Variants in ERBB4 observed in about 807,000 individuals in gnomAD.
The protein encoded by ERBB4 is erb-b2 receptor tyrosine kinase 4.
In ERBB4, 42 loss-of-function variants were observed where a neutral mutation model predicts 158.0. The ratio of observed to expected loss-of-function variants is 0.27; its 90% confidence interval spans 0.21 to 0.34. ERBB4 has a LOEUF of 0.34. Among genes scored for constraint, ERBB4 ranks in the 10% least tolerant of loss-of-function variants. The probability of loss-of-function intolerance (pLI) is 1.00; values close to 1 mark genes in which losing one functional copy is unlikely to be tolerated. For missense variants in ERBB4, 1,333 were observed against 1,624.1 expected, an observed-to-expected ratio of 0.82 and a Z score of 3.08; for synonymous variants, 583 against 558.7, an observed-to-expected ratio of 1.04 and a Z score of -0.61.
chr2:211,978,461 A>C (rs1193165518), intron 2 of ERBB4, among the ~76,000 whole-genome samples: 3 of 149,208 alleles, frequency 2.0e-5, no homozygotes, highest in Non-Finnish European at 4.5e-5. Context: ...ACAGGGTTTC[A>C]CTCTTAAGCC....
At chr2:211,933,417 G>T (rs2080230028) in intron 3 of ERBB4, among the ~76,000 whole-genome samples, 1 of 151,770 alleles carries the variant, frequency 6.6e-6, no homozygotes, top group African/African-American at 2.4e-5. Context: ...AAAACATACT[G>T]CCCAGTACTC....
At chr2:211,429,192 T>A (rs940878916) in intron 21 of ERBB4, among the ~76,000 whole-genome samples, 7 of 152,144 alleles carry the variant, frequency 4.6e-5, no homozygotes, top group African/African-American at 1.7e-4. Context: ...TTTATAGTTT[T>A]TTCTCAAAAA....
intron 2 of ERBB4, among the ~76,000 whole-genome samples, chr2:212,101,344 C>G (rs1294670111): frequency 3.9e-5 from 2 of 51,462 alleles, no homozygotes; most frequent in African/African-American, 1.5e-4. Context: ...ACACACACAC[C>G]CTATACATAT....
At chr2:211,622,388 A>G (rs906679391) in intron 18 of ERBB4, among the ~76,000 whole-genome samples, 2 of 152,200 alleles carry the variant, frequency 1.3e-5, no homozygotes, top group Admixed American at 6.5e-5. Flanking sequence ...ATTTTTGTCA[A>G]ATTAAGATCA....
chr2:212,531,710 A>G (rs1692766530), intron 1 of ERBB4, among the ~76,000 whole-genome samples: 1 of 152,130 alleles, frequency 6.6e-6, no homozygotes, highest in Non-Finnish European at 1.5e-5. Context: ...GGACATCTTC[A>G]TAAAGCCCAG....
chr2:212,464,383 C>A (rs1422270172), intron 1 of ERBB4, among the ~76,000 whole-genome samples: 2 of 152,022 alleles, frequency 1.3e-5, no homozygotes, highest in Non-Finnish European at 2.9e-5. Context: ...CCGGTAGAAT[C>A]ATTTTGCAGT....
Position 212,344,462 on chromosome 2 carries a change from ATG to A in ERBB4, c.82+193985_82+193986del, listed in dbSNP as rs200771925. On this transcript the variant is annotated intron_variant, in intron 1 of 27. Coordinates refer to ENST00000342788, the MANE Select transcript of ERBB4 (RefSeq NM_005235.3). ...AAACACAAAGATAGCTACCATATAT[ATG>A]TGTGTGTATATATGTGTGTGTGTGT... Among the ~76,000 whole-genome samples, 1,220 of 137,972 alleles carry A rather than the reference ATG, an allele frequency of 8.8e-3. 11 individuals are homozygous for A. The highest frequency in any genetic ancestry group is 0.034 in the African/African-American group (1,155 of 34,434). The allele number at this position is 137,972 out of a possible 152,430, so 90.5% of individuals were successfully genotyped here.
intron 3 of ERBB4, among the ~76,000 whole-genome samples, chr2:211,813,889 G>C (rs1324130432): frequency 6.6e-6 from 1 of 151,992 alleles, no homozygotes; most frequent in African/African-American, 2.4e-5. Context: ...TTTAATTAGA[G>C]CATTGGACAA....
At chr2:212,514,567 G>A (rs538321907) in intron 1 of ERBB4, among the ~76,000 whole-genome samples, 75 of 152,280 alleles carry the variant, frequency 4.9e-4, no homozygotes, top group African/African-American at 1.6e-3. Context: ...AGCACTTTGG[G>A]AGGCTGAGGC....
At chr2:211,489,030 G>A (rs1324933701) in intron 20 of ERBB4, among the ~76,000 whole-genome samples, 1 of 151,938 alleles carries the variant, frequency 6.6e-6, no homozygotes, top group Non-Finnish European at 1.5e-5. Flanking sequence ...TGGCTAGAAA[G>A]AAACAAAAGC....
chr2:211,675,789 A>T lies in ERBB4; in HGVS notation c.1623-2532T>A, dbSNP rs983802900. Among the ~76,000 whole-genome samples the T allele has an allele frequency of 1.2e-3, 41 of 34,308 alleles. No individual in the cohort carries two copies. The East Asian group carries it at 0.034, about 29-fold the overall frequency. 22.5% of individuals were successfully genotyped at this position (34,308 alleles called of 152,430 possible). On this transcript the variant is annotated intron_variant, in intron 13 of 27. Transcript: ENST00000342788. ...TAATATAATATATATATAAAATATAATATTATATATATATATATATAACAA... is the reference window on the plus strand; with the variant it reads ...TAATATAATATATATATAAAATATATTATTATATATATATATATATAACAA...
At chr2:211,835,122 G>T (rs2077311759) in intron 3 of ERBB4, among the ~76,000 whole-genome samples, 1 of 145,964 alleles carries the variant, frequency 6.9e-6, no homozygotes, top group Non-Finnish European at 1.5e-5. Flanking sequence ...AAAGGCTAAT[G>T]AAATGTTAAA....
chr2:211,666,112 G>C (rs1188760820), intron 14 of ERBB4, among the ~76,000 whole-genome samples: 1 of 152,010 alleles, frequency 6.6e-6, no homozygotes, highest in Non-Finnish European at 1.5e-5. Flanking sequence ...GAATTAGGCC[G>C]TTTAGGTGAA....
chr2:212,243,493 T>C (rs1200573614), intron 1 of ERBB4, among the ~76,000 whole-genome samples: 1 of 152,188 alleles, frequency 6.6e-6, no homozygotes, highest in Non-Finnish European at 1.5e-5. Context: ...TTTATTAATC[T>C]TACTGCAGCA....
At chr2:211,475,564 GA>G (rs1190495009) in intron 20 of ERBB4, among the ~76,000 whole-genome samples, 2 of 152,140 alleles carry the variant, frequency 1.3e-5, no homozygotes, top group East Asian at 3.9e-4. Flanking sequence ...GAAGCAAATT[GA>G]AAACTACAAA....
At chr2:211,992,532 G>A (rs1212040946) in intron 2 of ERBB4, among the ~76,000 whole-genome samples, 3 of 142,470 alleles carry the variant, frequency 2.1e-5, no homozygotes, top group African/African-American at 7.7e-5. Flanking sequence ...AAGAGAGGGA[G>A]ATGAGAGACA....
intron 2 of ERBB4, among the ~76,000 whole-genome samples, chr2:212,027,435 G>T (rs2076799527): frequency 6.6e-6 from 1 of 151,952 alleles, no homozygotes; most frequent in Non-Finnish European, 1.5e-5. Flanking sequence ...GGTTTTCACT[G>T]TATACAAAAG....
At chr2:212,050,001 C>A (rs1464443) in intron 2 of ERBB4, among the ~76,000 whole-genome samples, 86,777 of 151,862 alleles carry the variant, frequency 0.57, 28,794 homozygotes, top group East Asian at 0.92. Flanking sequence ...AATACCTATA[C>A]GAATAGTGGT....
intron 2 of ERBB4, among the ~76,000 whole-genome samples, chr2:211,951,014 A>G (rs1343710624): frequency 6.6e-6 from 1 of 152,172 alleles, no homozygotes; most frequent in Non-Finnish European, 1.5e-5. Flanking sequence ...TCATTATTAA[A>G]AAGTTTTCTT....
Sources: gnomAD v4.1 joint callset for allele counts (sites outside exome capture counted in the v4.1 genomes callset) on GRCh38, gnomAD v4.1.1 for gene constraint, MANE v1.5 for transcripts, NCBI Gene and HGNC (gene_info 2026-07-23, HGNC 2026-07-21) for gene names.